The following GNG7 variants were observed in gnomAD, a reference collection of about 807,000 sequenced individuals.
GNG7 encodes guanine nucleotide-binding protein G(I)/G(S)/G(O) subunit gamma-7.
In GNG7, 1 loss-of-function variant was observed where a neutral mutation model predicts 4.0. That is an observed-to-expected ratio of 0.25 (90% CI 0.09 to 1.18). GNG7 has a LOEUF of 1.18. GNG7 is among the 50% of genes most tolerant of loss of function. GNG7 has a pLI of 0.50. For missense variants in GNG7, 86 were observed against 91.9 expected, an observed-to-expected ratio of 0.94 and a Z score of 0.26; for synonymous variants, 34 against 36.9, an observed-to-expected ratio of 0.92 and a Z score of 0.29.
chr19:2,613,963 G>A (rs1981646220), intron 2 of GNG7, among the ~76,000 whole-genome samples: 1 of 152,368 alleles, frequency 6.6e-6, no homozygotes, highest in East Asian at 1.9e-4. Context: ...GCAGCCTAAG[G>A]CCAGCGAAGG....
chr19:2,525,580 G>C (rs112893475), intron 3 of GNG7, among the ~76,000 whole-genome samples: 2,663 of 152,156 alleles, frequency 0.018, 46 homozygotes, highest in Non-Finnish European at 0.026. Flanking sequence ...GATCAGACAC[G>C]AGGCTCCAGT....
intron 1 of GNG7, among the ~76,000 whole-genome samples, chr19:2,656,732 C>G (rs1000008173): frequency 3.3e-5 from 5 of 152,256 alleles, no homozygotes; most frequent in Middle Eastern, 3.4e-3. Flanking sequence ...TACATATCAT[C>G]CATGGCTGCT....
chr19:2,627,199 G>T (rs1407219700), intron 2 of GNG7, among the ~76,000 whole-genome samples: 1 of 151,958 alleles, frequency 6.6e-6, no homozygotes, highest in Non-Finnish European at 1.5e-5. Context: ...TGTCCCAGGG[G>T]ACGCTGGGTG....
chr19:2,540,891 T>C (rs186591321), intron 3 of GNG7, among the ~76,000 whole-genome samples: 1 of 152,090 alleles, frequency 6.6e-6, no homozygotes, highest in Non-Finnish European at 1.5e-5. Flanking sequence ...GTTCTCATAG[T>C]TGGGAAAGTG....
chr19:2,642,659 C>A, intron 2 of GNG7: 1 of 391,010 alleles, frequency 2.6e-6, no homozygotes, highest in South Asian at 1.9e-5. Context: ...TGCCACCATA[C>A]CTGTCTAATT....
At chr19:2,542,762 C>T (rs8113121) in intron 3 of GNG7, among the ~76,000 whole-genome samples, 43,917 of 151,868 alleles carry the variant, frequency 0.29, 6,370 homozygotes, top group African/African-American at 0.3. Context: ...GAGGGCCCCC[C>T]GGTGAGCAGG....
chr19:2,647,332 TG>T (rs1982692426), intron 1 of GNG7, among the ~76,000 whole-genome samples: 1 of 152,076 alleles, frequency 6.6e-6, no homozygotes, highest in African/African-American at 2.4e-5. Flanking sequence ...GCTGGGGATG[TG>T]GCGTGTCCCG....
At chr19:2,631,672 C>T (rs1232788584) in intron 2 of GNG7, among the ~76,000 whole-genome samples, 1 of 152,064 alleles carries the variant, frequency 6.6e-6, no homozygotes, top group African/African-American at 2.4e-5. Context: ...TTGTCTGTGG[C>T]TGTGTGCCAA....
chr19:2,590,758 TAACC>T (rs988526013), intron 2 of GNG7, among the ~76,000 whole-genome samples: 1 of 115,374 alleles, frequency 8.7e-6, no homozygotes, highest in Non-Finnish European at 1.8e-5. Flanking sequence ...TCCACCCACC[TAACC>T]AACCAACCAA....
Position 2,605,637 on chromosome 19 carries a change from C to G in GNG7, c.-78+40587G>C, listed in dbSNP as rs184029901. Among the ~76,000 whole-genome samples the G allele has an allele frequency of 2.6e-4, 40 of 151,312 alleles. No individual in the cohort carries two copies. The East Asian group carries it at 6.8e-3, about 26-fold the overall frequency. ...GAAGTGATTCTCCTGCCTCAGCCTC[C>G]CGAGTAGCTGGGATTACAGGCATGC... On this transcript the variant is annotated intron_variant, in intron 2 of 4. Transcript: ENST00000382159.
At chr19:2,639,277 G>T (rs956956706) in intron 2 of GNG7, among the ~76,000 whole-genome samples, 1 of 151,828 alleles carries the variant, frequency 6.6e-6, no homozygotes, top group African/African-American at 2.4e-5. Context: ...CGTAAGCAAA[G>T]TCAAAAGACA....
intron 2 of GNG7, among the ~76,000 whole-genome samples, chr19:2,568,713 C>T (rs897302497): frequency 1.4e-5 from 2 of 139,752 alleles, no homozygotes; most frequent in African/African-American, 2.5e-5. Context: ...TATAGACACA[C>T]ATATACACAT....
intron 2 of GNG7, among the ~76,000 whole-genome samples, chr19:2,586,812 C>T (rs1260611212): frequency 1.3e-5 from 2 of 151,786 alleles, no homozygotes; most frequent in Non-Finnish European, 2.9e-5. Context: ...TGGTGAAACC[C>T]TGTCTCTACT....
At chr19:2,589,531 AT>A (rs1361607553) in intron 2 of GNG7, among the ~76,000 whole-genome samples, 2 of 150,590 alleles carry the variant, frequency 1.3e-5, no homozygotes, top group Non-Finnish European at 3.0e-5. Flanking sequence ...CCCAGATGTC[AT>A]TTCTTGCAGC....
At position 2,609,009 on chromosome 19, in the gene GNG7, ATTCTCT is replaced by A. The variant is rs1981479251; in HGVS notation, c.-78+37209_-78+37214del. Reference sequence around the variant, plus strand: ...CATCATGCCTACCTAGTTCTTGTACATTCTCTCTCTCTCTCTCTCTCTCTTTTTTTG... The same window carrying A: ...CATCATGCCTACCTAGTTCTTGTACACTCTCTCTCTCTCTCTCTTTTTTTG... On this transcript the variant is annotated intron_variant, in intron 2 of 4. Transcript: ENST00000382159. The surrounding 1 kb of genome is among the most constrained non-coding windows in gnomAD (Gnocchi z 4.4). 1.0e-5 allele frequency among the ~76,000 whole-genome samples: 1 copy of A among 98,360 alleles called. No homozygotes were observed. Among genetic ancestry groups the A allele is most frequent in the African/African-American group, 3.1e-5 (1 of 32,552 alleles). 64.5% of individuals were successfully genotyped at this position (98,360 alleles called of 152,430 possible).
At chr19:2,628,035 G>A (rs911044887) in intron 2 of GNG7, among the ~76,000 whole-genome samples, 1 of 152,232 alleles carries the variant, frequency 6.6e-6, no homozygotes, top group Non-Finnish European at 1.5e-5. Flanking sequence ...CCCTGGGCAC[G>A]TCAGCCCCTC....
chr19:2,694,216 ATTT>A lies in GNG7; in HGVS notation c.-135+8427_-135+8429del, dbSNP rs550699599. On this transcript the variant is annotated intron_variant, in intron 1 of 4. Coordinates refer to ENST00000382159, the MANE Select transcript of GNG7 (RefSeq NM_052847.3). The stretch of plus-strand genomic sequence containing the variant: ...TTGGAGGAATCTACATTTTGGGGAG[ATTT>A]TTTTGTTGCTTTTTTTTGGGGGGGG... Among the ~76,000 whole-genome samples the A allele has an allele frequency of 8.3e-5, 12 of 144,306 alleles. No homozygotes were observed. In the South Asian group the frequency reaches 2.4e-3, roughly 29 times the overall value. The allele number at this position is 144,306 out of a possible 152,430, so 94.7% of individuals were successfully genotyped here.
chr19:2,550,735 T>C (rs1979290760), intron 3 of GNG7, among the ~76,000 whole-genome samples: 1 of 152,198 alleles, frequency 6.6e-6, no homozygotes, highest in Non-Finnish European at 1.5e-5. Context: ...CATCTTTTGG[T>C]TGCCGAGCCT....
chr19:2,700,628 G>A (rs767905281), intron 1 of GNG7: 3 of 151,952 alleles, frequency 2.0e-5, no homozygotes, highest in Non-Finnish European at 2.9e-5. Flanking sequence ...CATGCTTCAG[G>A]TACCCTCACT....
Sources: allele counts gnomAD v4.1 joint callset (sites outside exome capture counted in the v4.1 genomes callset), GRCh38; gene constraint gnomAD v4.1.1; non-coding constraint Gnocchi (gnomAD v3.1); transcripts MANE v1.5; gene names NCBI Gene and HGNC (gene_info 2026-07-23, HGNC 2026-07-21).